CCDC69: variants seen among roughly 807,000 people sequenced by gnomAD.
CCDC69 encodes the protein coiled-coil domain-containing protein 69.
In CCDC69, 38 loss-of-function variants were observed where a neutral mutation model predicts 40.3. The ratio of observed to expected loss-of-function variants is 0.94; its 90% CI spans 0.73 to 1.24. The LOEUF is 1.24. Ranked by LOEUF, CCDC69 falls within the 50% of genes most tolerant of loss-of-function variation. CCDC69 has a pLI of 0.00. For missense variants in CCDC69, 389 were observed against 357.9 expected (o/e 1.09, Z -0.70); for synonymous variants, 141 against 138.9 (o/e 1.02, Z -0.11).
At chr5:151,193,139 C>T (rs1257150060) in intron 4 of CCDC69, among the ~76,000 whole-genome samples, 3 of 151,800 alleles carry the variant, frequency 2.0e-5, no homozygotes, top group East Asian at 1.9e-4. Context: ...AAAGTGGGTC[C>T]GAGAATCAAT....
intron 4 of CCDC69, among the ~76,000 whole-genome samples, chr5:151,194,891 CAAAA>C (rs59836328): frequency 2.2e-5 from 2 of 92,330 alleles, no homozygotes; most frequent in African/African-American, 4.4e-5. Context: ...GCCTCCATCT[CAAAA>C]AAAAAAAAAA....
At chr5:151,192,108 AAT>A in intron 4 of CCDC69, among the ~76,000 whole-genome samples, 1 of 122,044 alleles carries the variant, frequency 8.2e-6, no homozygotes, top group Non-Finnish European at 1.8e-5. Context: ...AAAAAAAAAG[AAT>A]GAAAAGAAAT....
At chr5:151,205,973 A>G (rs964424420) in intron 1 of CCDC69, among the ~76,000 whole-genome samples, 6 of 152,100 alleles carry the variant, frequency 3.9e-5, no homozygotes, top group African/African-American at 1.4e-4. Flanking sequence ...TGTGTGTGGG[A>G]GGGGCTCTCC....
chr5:151,193,190 A>G (rs1243521012), intron 4 of CCDC69, among the ~76,000 whole-genome samples: 1 of 152,096 alleles, frequency 6.6e-6, no homozygotes, highest in Non-Finnish European at 1.5e-5. Context: ...TGAAAACTCA[A>G]ACAAATGTAA....
intron 4 of CCDC69, among the ~76,000 whole-genome samples, chr5:151,189,464 GA>G (rs1202746459): frequency 6.8e-6 from 1 of 146,080 alleles, no homozygotes; most frequent in Non-Finnish European, 1.5e-5. Context: ...AAAAAGATTA[GA>G]AAAAAAAATG....
intron 1 of CCDC69, chr5:151,215,546 C>A: frequency 3.2e-6 from 1 of 314,542 alleles, no homozygotes; most frequent in Non-Finnish European, 7.0e-6. Context: ...TAGCTCTGGT[C>A]ATGGAGGGGG....
intron 8 of CCDC69, 104 bp downstream of exon 8, chr5:151,184,240 G>C: frequency 1.2e-6 from 1 of 827,058 alleles, no homozygotes; most frequent in Non-Finnish European, 2.0e-6. Flanking sequence ...TAGGCCCTGG[G>C]CCCACCTGTC....
At chr5:151,194,253 A>G (rs1326672458) in intron 4 of CCDC69, among the ~76,000 whole-genome samples, 1 of 152,224 alleles carries the variant, frequency 6.6e-6, no homozygotes, top group Non-Finnish European at 1.5e-5. Context: ...CTGCACATGA[A>G]TGTTAGAACA....
At chr5:151,203,094 A>G (rs1752798799) in intron 2 of CCDC69, among the ~76,000 whole-genome samples, 1 of 152,120 alleles carries the variant, frequency 6.6e-6, no homozygotes, top group African/African-American at 2.4e-5. Flanking sequence ...GGCTCAGAGG[A>G]GTCATGCAAC....
intron 1 of CCDC69, among the ~76,000 whole-genome samples, chr5:151,210,078 A>G (rs2113999402): frequency 6.6e-6 from 1 of 152,292 alleles, no homozygotes; most frequent in East Asian, 1.9e-4. Flanking sequence ...ACTTCCTCAT[A>G]TCTTACTTTT....
At position 151,211,680 on chromosome 5, in the gene CCDC69, C is replaced by T. The variant is rs574123752; in HGVS notation, c.49-6205G>A. Among the ~76,000 whole-genome samples, 3 of 152,150 alleles carry T rather than the reference C, an allele frequency of 2.0e-5. No homozygotes were observed. In the East Asian group the frequency reaches 5.8e-4, roughly 29 times the overall value. On this transcript the variant is annotated intron_variant, in intron 1 of 8. Coordinates refer to ENST00000355417, the MANE Select transcript of CCDC69 (RefSeq NM_015621.3). The stretch of plus-strand genomic sequence containing the variant: ...CTGGGATTACAGGCACATACCACCA[C>T]ACCAGGCTAATTTTTGTATTTTTAG...
intron 1 of CCDC69, among the ~76,000 whole-genome samples, chr5:151,213,185 G>A (rs1484593870): frequency 6.6e-6 from 1 of 152,176 alleles, no homozygotes; most frequent in Non-Finnish European, 1.5e-5. Context: ...ATTTTGGGGT[G>A]AATGGCTGTA....
chr5:151,194,269 A>T (rs966078436), intron 4 of CCDC69, among the ~76,000 whole-genome samples: 1 of 152,256 alleles, frequency 6.6e-6, no homozygotes, highest in Non-Finnish European at 1.5e-5. Flanking sequence ...GAACAGCTCT[A>T]TTCATAATTG....
At chr5:151,203,766 G>GTA (rs1196265344) in intron 2 of CCDC69, among the ~76,000 whole-genome samples, 7 of 129,776 alleles carry the variant, frequency 5.4e-5, no homozygotes, top group Middle Eastern at 4.0e-3. Context: ...AATCTATATA[G>GTA]TATATATATA....
intron 4 of CCDC69, among the ~76,000 whole-genome samples, chr5:151,197,035 G>C (rs2113990925): frequency 6.6e-6 from 1 of 152,346 alleles, no homozygotes; most frequent in Non-Finnish European, 1.5e-5. Context: ...GCCGTAAAAA[G>C]AAACAAAGTG....
chr5:151,216,359 G>A (rs1261515250), intron 1 of CCDC69, among the ~76,000 whole-genome samples: 1 of 151,562 alleles, frequency 6.6e-6, no homozygotes, highest in Non-Finnish European at 1.5e-5. Context: ...AATTACTGTG[G>A]TCAAGGAAGG....
chr5:151,184,206 G>A, intron 8 of CCDC69, 138 bp downstream of exon 8: 1 of 653,158 alleles, frequency 1.5e-6, no homozygotes, highest in Non-Finnish European at 2.7e-6. Context: ...GACTCCCAGG[G>A]AAAGAGGAGC....
chr5:151,190,665 C>CA (rs35015191), intron 4 of CCDC69, among the ~76,000 whole-genome samples: 1,078 of 93,472 alleles, frequency 0.012, 21 homozygotes, highest in African/African-American at 0.043. Context: ...GACTCTGTCT[C>CA]AAAAAAAAAA....
At chr5:151,210,478 A>T (rs962154711) in intron 1 of CCDC69, among the ~76,000 whole-genome samples, 13 of 152,144 alleles carry the variant, frequency 8.5e-5, no homozygotes, top group African/African-American at 3.1e-4. Context: ...CAGGAGGTGG[A>T]GGTTGCAGTG....
Sources: allele counts gnomAD v4.1 joint callset (sites outside exome capture counted in the v4.1 genomes callset), GRCh38; gene constraint gnomAD v4.1.1; transcripts MANE v1.5; gene names NCBI Gene and HGNC (gene_info 2026-07-23, HGNC 2026-07-21).